Variants in CASK observed in about 807,000 individuals in gnomAD.
The protein encoded by CASK is peripheral plasma membrane protein CASK.
A neutral mutation model predicts 82.9 loss-of-function variants in CASK; 4 were observed. The observed-to-expected ratio is 0.05, with a 90% CI of 0.02 to 0.11. CASK has a LOEUF of 0.11. Among genes scored for constraint, CASK ranks in the 10% least tolerant of loss-of-function variants. The pLI is 1.00. For synonymous variants in CASK, 259 were observed against 253.5 expected (o/e 1.02, Z -0.20); for missense variants, 358 against 720.9 (o/e 0.50, Z 5.76).
intron 2 of CASK, among the ~76,000 whole-genome samples, chrX:41,798,678 T>C (rs1271323249): frequency 4.5e-5 from 5 of 111,856 alleles, no homozygotes; most frequent in Non-Finnish European, 9.4e-5. Flanking sequence ...CCACTAATAA[T>C]ATAAAAATCA....
chrX:41,547,079 C>T (rs905081869), intron 21 of CASK, among the ~76,000 whole-genome samples: 1 of 109,836 alleles, frequency 9.1e-6, no homozygotes, highest in Non-Finnish European at 1.9e-5. Context: ...TACAGGCACC[C>T]GCCACCACGC....
At chrX:41,849,267 C>T (rs939244400) in intron 2 of CASK, among the ~76,000 whole-genome samples, 9 of 111,733 alleles carry the variant, frequency 8.1e-5, no homozygotes, top group African/African-American at 2.9e-4. Context: ...ATCTTACTTT[C>T]CTTTAGTTTC....
chrX:41,907,331 C>T (rs772814846), intron 1 of CASK, among the ~76,000 whole-genome samples: 184 of 112,023 alleles, frequency 1.6e-3, no homozygotes, highest in African/African-American at 5.8e-3. Flanking sequence ...CTACCAGAGC[C>T]AGGGGAGACT....
chrX:41,801,539 T>A lies in CASK; in HGVS notation c.173-14256A>T, dbSNP rs143061865. ...CTGAACACAAGCTTTCTGTAGAACC[T>A]GAACACAAGCTTTCAATAAGGCGAG... On this transcript the variant is annotated intron_variant, in intron 2 of 26. Transcript: ENST00000378163. Among the ~76,000 whole-genome samples the A allele has an allele frequency of 5.4e-3, 601 of 111,721 alleles. 5 individuals carry two copies. Among genetic ancestry groups the A allele is most frequent in the African/African-American group, 0.018 (568 of 30,736 alleles).
chrX:41,752,065 C>A (rs1602570996), intron 3 of CASK, among the ~76,000 whole-genome samples: 1 of 101,301 alleles, frequency 9.9e-6, no homozygotes. Context: ...AAAAAAAAAA[C>A]ACAAAAAAAA....
chrX:41,642,190 G>A (rs1183613113), intron 8 of CASK, among the ~76,000 whole-genome samples: 2 of 111,286 alleles, frequency 1.8e-5, no homozygotes, highest in South Asian at 7.7e-4. Context: ...ATTGTGAATA[G>A]TGCTGTAATA....
rs5918193 is a variant in CASK, at chrX:41,515,876, C to T, written c.*4544G>A. 0.12 allele frequency: 13,716 copies of T among 111,895 alleles called. 645 individuals carry two copies. The highest frequency in any genetic ancestry group is 0.17 in the Middle Eastern group (36 of 218). The allele number at this position is 111,895 out of a possible 1,213,427, so 9.2% of individuals were successfully genotyped here. A position where few individuals can be genotyped will look rare whatever the true frequency, so the allele number is the denominator to read the frequency against. ...GAGAATGGAGCTAACACATAAGTAG[C>T]AGCTAAATTCTGAGTTTCTGAGCAT... On this transcript the variant is annotated 3_prime_UTR_variant, in exon 27 of 27. Coordinates refer to ENST00000378163, the MANE Select transcript of CASK (RefSeq NM_001367721.1).
At chrX:41,562,781 C>A (rs1030933422) in intron 16 of CASK, 3 of 110,295 alleles carry the variant, frequency 2.7e-5, no homozygotes, top group Non-Finnish European at 5.7e-5. Flanking sequence ...GAAGGCTGGG[C>A]CAGGCATGGT....
In CASK at chrX:41,723,517, C is replaced by A. The variant is rs145080976; in HGVS notation, c.429+15867G>T. 2.2e-3 allele frequency among the ~76,000 whole-genome samples: 251 copies of A among 111,833 alleles called. 5 individuals are homozygous for A. The East Asian group carries it at 0.066, about 29-fold the overall frequency. ...GATCTGAGGCATACTTGGCACTTCCCAGGATTTGCCAAATCCATTATGAAA... is the reference window on the plus strand; with the variant it reads ...GATCTGAGGCATACTTGGCACTTCCAAGGATTTGCCAAATCCATTATGAAA... On this transcript the variant is annotated intron_variant, in intron 5 of 26. Transcript: ENST00000378163.
At chrX:41,809,390 G>A (rs1013455358) in intron 2 of CASK, among the ~76,000 whole-genome samples, 12 of 112,111 alleles carry the variant, frequency 1.1e-4, no homozygotes, top group African/African-American at 3.9e-4. Flanking sequence ...CTGAGACGAA[G>A]CTTCCAGAGG....
At chrX:41,810,823 G>A (rs954273619) in intron 2 of CASK, among the ~76,000 whole-genome samples, 1 of 111,727 alleles carries the variant, frequency 9.0e-6, no homozygotes, top group Non-Finnish European at 1.9e-5. Flanking sequence ...TCAGTGTGCT[G>A]TATTCAGGAG....
Position 41,559,814 on chromosome X carries a change from C to G in CASK, c.1702G>C (p.Val568Leu), listed in dbSNP as rs765444018. Residue 568 changes from valine to leucine, a missense_variant, in exon 18 of 27, where the codon GTG (valine) becomes CTG (leucine). Coordinates refer to ENST00000378163, the MANE Select transcript of CASK (RefSeq NM_001367721.1). ...GAAGACTGAGTGCGGTAACTTGGCA[C>G]AATCTTGAAGGTAATACTCCCCCGC... Reference protein sequence around the residue: ...EMRGSITFKIVPSYRTQSSSC... With the variant: ...EMRGSITFKILPSYRTQSSSC... The G allele has an allele frequency of 8.3e-7, 1 of 1,210,691 alleles. No homozygotes were observed.
Position 41,658,933 on chromosome X carries a change from A to G in CASK, c.831+1506T>C, listed in dbSNP as rs147563879. Among the ~76,000 whole-genome samples, 725 of 111,793 alleles carry G rather than the reference A, an allele frequency of 6.5e-3. 5 individuals carry two copies. Among genetic ancestry groups the G allele is most frequent in the South Asian group, 0.024 (63 of 2,630 alleles). On this transcript the variant is annotated intron_variant, in intron 8 of 26. Transcript: ENST00000378163. ...AAACTGGACAATGTGAGTAGTCTAT[A>G]CAACTCTTTTCAGGAGTTGCTGTCA...
At chrX:41,531,282 T>A in intron 24 of CASK, 73 bp from the exon 25 acceptor site, 1 of 794,139 alleles carries the variant, frequency 1.3e-6, no homozygotes, top group Non-Finnish European at 1.9e-6. Flanking sequence ...ACAGATTTAC[T>A]CAAACCCAGT....
intron 5 of CASK, among the ~76,000 whole-genome samples, chrX:41,723,446 G>T (rs1174859987): frequency 8.9e-6 from 1 of 111,809 alleles, no homozygotes; most frequent in Non-Finnish European, 1.9e-5. Flanking sequence ...AATTTTTATT[G>T]TTTTAGACTA....
intron 5 of CASK, among the ~76,000 whole-genome samples, chrX:41,715,921 G>A (rs12863443): frequency 5.3e-5 from 6 of 112,402 alleles, no homozygotes; most frequent in Admixed American, 9.4e-5. Context: ...GATGCTGGTA[G>A]CCCTGGGAGG....
chrX:41,519,463 T>G lies in CASK; in HGVS notation c.*957A>C, dbSNP rs1372955919. On this transcript the variant is annotated 3_prime_UTR_variant, in exon 27 of 27. Coordinates refer to ENST00000378163, the MANE Select transcript of CASK (RefSeq NM_001367721.1). Reference sequence around the variant, plus strand: ...TTAATACTCTTAGACAACACAGATCTGAAATGGTGAAACCAGCAATTCCCC... The same window carrying G: ...TTAATACTCTTAGACAACACAGATCGGAAATGGTGAAACCAGCAATTCCCC... 1 of 111,712 alleles carries G rather than the reference T, an allele frequency of 9.0e-6. No individual in the cohort carries two copies. The highest frequency in any genetic ancestry group is 3.3e-5 in the African/African-American group (1 of 30,708). The allele number at this position is 111,712 out of a possible 1,213,427, so 9.2% of individuals were successfully genotyped here. A position where few individuals can be genotyped will look rare whatever the true frequency, so the allele number is the denominator to read the frequency against.
chrX:41,666,306 CCCAAAAG>C (rs1263136824), intron 6 of CASK, among the ~76,000 whole-genome samples: 1 of 111,738 alleles, frequency 8.9e-6, no homozygotes, highest in East Asian at 2.8e-4. Context: ...AACTCAGTAT[CCCAAAAG>C]AAGTCTTCTA....
intron 1 of CASK, among the ~76,000 whole-genome samples, chrX:41,890,441 G>C (rs932878066): frequency 1.8e-5 from 2 of 110,963 alleles, no homozygotes; most frequent in African/African-American, 6.5e-5. Flanking sequence ...CACATTATTT[G>C]AAGGTGGAAA....
Sources: allele counts gnomAD v4.1 joint callset (sites outside exome capture counted in the v4.1 genomes callset), GRCh38; gene constraint gnomAD v4.1.1; transcripts MANE v1.5; gene names NCBI Gene and HGNC (gene_info 2026-07-23, HGNC 2026-07-21).